The following KLF13 variants were observed in gnomAD, a reference collection of about 807,000 sequenced individuals.
KLF13 encodes KLF transcription factor 13.
KLF13 carries 8 observed loss-of-function variants against 16.7 expected under a neutral mutation model. That is an observed-to-expected ratio of 0.48 (90% CI 0.28 to 0.87). The LOEUF is 0.87. KLF13 is among the 40% of genes least tolerant of loss of function. The pLI is 0.10. For missense variants in KLF13, 447 were observed against 452.2 expected (o/e 0.99, Z 0.10); for synonymous variants, 245 against 208.4 (o/e 1.18, Z -1.51).
intron 1 of KLF13, among the ~76,000 whole-genome samples, chr15:31,345,468 T>C (rs995682011): frequency 6.6e-6 from 1 of 152,148 alleles, no homozygotes; most frequent in Non-Finnish European, 1.5e-5. Context: ...AGCACTGGGG[T>C]GCGGGCAGAT....
At chr15:31,434,691 T>A (rs1460645451) in intron 1 of KLF13, among the ~76,000 whole-genome samples, 1 of 152,198 alleles carries the variant, frequency 6.6e-6, no homozygotes, top group Admixed American at 6.5e-5. Flanking sequence ...TGTGAGTCAG[T>A]AGCTGGGAAA....
rs566870159 is a variant in KLF13, at chr15:31,394,393, G to A, written n.529+702G>A. 2.6e-5 allele frequency among the ~76,000 whole-genome samples: 4 copies of A among 151,862 alleles called. No homozygotes were observed. The South Asian group carries it at 8.3e-4, about 32-fold the overall frequency. On this transcript the variant is annotated intron_variant and non_coding_transcript_variant, in intron 2 of 2. Coordinates refer to the KLF13 transcript ENST00000500533. The stretch of plus-strand genomic sequence containing the variant: ...TCCCAGCTACTCGGGAGGCTGAGGC[G>A]ACAGAATGGCCTGAACCCGGGAGGC...
intron 2 of KLF13, among the ~76,000 whole-genome samples, chr15:31,402,104 A>G (rs1048184624): frequency 2.0e-5 from 3 of 152,230 alleles, no homozygotes; most frequent in Non-Finnish European, 2.9e-5. Context: ...TAGGGGAGAC[A>G]CTGCATGTCC....
chr15:31,328,641 C>T (rs952757107), intron 1 of KLF13, among the ~76,000 whole-genome samples: 1 of 151,970 alleles, frequency 6.6e-6, no homozygotes, highest in African/African-American at 2.4e-5. Flanking sequence ...GGCGCTGAGC[C>T]TCCAGCCTGG....
At position 31,376,558 on chromosome 15, in the gene KLF13, A is replaced by G. The variant is rs2039649865; in HGVS notation, c.*4259A>G. ...TTGAAATCAGGATTACCCCAGGAAG[A>G]ACCAGGTCCTATTACTAATTTTCCT... is the stretch of plus-strand genomic sequence containing the variant. On this transcript the variant is annotated 3_prime_UTR_variant, in exon 2 of 2. Coordinates refer to ENST00000307145, the MANE Select transcript of KLF13 (RefSeq NM_015995.4). 1 of 152,628 alleles carries G rather than the reference A, an allele frequency of 6.6e-6. No homozygotes were observed. The highest frequency in any genetic ancestry group is 6.5e-5 in the Admixed American group (1 of 15,286). The allele number at this position is 152,628 out of a possible 1,614,324, so 9.5% of individuals were successfully genotyped here. A position where few individuals can be genotyped will look rare whatever the true frequency, so the allele number is the denominator to read the frequency against.
intron 1 of KLF13, 57 bp downstream of exon 1, chr15:31,327,846 C>T (rs1379410546): frequency 2.3e-6 from 3 of 1,328,082 alleles, no homozygotes; most frequent in East Asian, 3.3e-5. Context: ...GCGAGCTGCC[C>T]GACCACGCCC....
downstream of KLF13, among the ~76,000 whole-genome samples, chr15:31,378,771 T>C (rs2039689080): frequency 6.6e-6 from 1 of 152,096 alleles, no homozygotes; most frequent in Admixed American, 6.5e-5. Context: ...GAGGCTGGAG[T>C]GCAATGGTGG....
At chr15:31,428,859 A>G (rs2040434325) in intron 1 of KLF13, among the ~76,000 whole-genome samples, 1 of 151,624 alleles carries the variant, frequency 6.6e-6, no homozygotes, top group Admixed American at 6.6e-5. Flanking sequence ...GACCAAATAT[A>G]ACCAGGACAT....
At chr15:31,343,488 A>G (rs2039062669) in intron 1 of KLF13, among the ~76,000 whole-genome samples, 1 of 152,158 alleles carries the variant, frequency 6.6e-6, no homozygotes. Flanking sequence ...ACCTGAAGGG[A>G]GAAGGCAAGG....
chr15:31,391,586 G>T (rs185083065), upstream of KLF13, among the ~76,000 whole-genome samples: 22 of 152,040 alleles, frequency 1.4e-4, no homozygotes, highest in East Asian at 5.9e-4. Flanking sequence ...CCCATTTCTG[G>T]GATTGCCCCC....
chr15:31,416,835 C>G (rs1369241702), intron 1 of KLF13, among the ~76,000 whole-genome samples: 1 of 152,142 alleles, frequency 6.6e-6, no homozygotes, highest in Non-Finnish European at 1.5e-5. Context: ...TGCATGTTTG[C>G]TTTGTCATGA....
intron 1 of KLF13, among the ~76,000 whole-genome samples, chr15:31,416,499 A>G (rs1381188167): frequency 1.3e-5 from 2 of 152,212 alleles, no homozygotes; most frequent in Admixed American, 1.3e-4. Context: ...CATTTTAAAA[A>G]TAATTAATGT....
intron 1 of KLF13, chr15:31,340,048 C>T: frequency 5.7e-6 from 4 of 702,344 alleles, no homozygotes; most frequent in Non-Finnish European, 1.0e-5. Flanking sequence ...CCCAGGTTGC[C>T]CTGGTGGGTG....
chr15:31,327,797 G>A lies in KLF13; in HGVS notation c.577+8G>A. 6.8e-7 allele frequency: 1 copy of A among 1,471,810 alleles called. No individual in the cohort carries two copies. Among genetic ancestry groups the A allele is most frequent in the Non-Finnish European group, 9.1e-7 (1 of 1,100,986 alleles). The allele number at this position is 1,471,810 out of a possible 1,614,324, so 91.2% of individuals were successfully genotyped here. Reference sequence around the variant, plus strand: ...ACCTGAGAACTCACACAGGTCAGTGGGGCGGCGCGGGCGCCCGGATCGCGC... The same window carrying A: ...ACCTGAGAACTCACACAGGTCAGTGAGGCGGCGCGGGCGCCCGGATCGCGC... On this transcript the variant is annotated splice_region_variant and intron_variant, in intron 1 of 1. Coordinates refer to ENST00000307145, the MANE Select transcript of KLF13 (RefSeq NM_015995.4).
intron 1 of KLF13, among the ~76,000 whole-genome samples, chr15:31,332,687 T>G (rs1226559966): frequency 6.6e-6 from 1 of 152,246 alleles, no homozygotes; most frequent in Non-Finnish European, 1.5e-5. Flanking sequence ...TCTGACAGCC[T>G]CCTGCCCTTA....
At chr15:31,390,961 T>A (rs2039856238), upstream of KLF13, among the ~76,000 whole-genome samples, 1 of 151,622 alleles carries the variant, frequency 6.6e-6, no homozygotes, top group Non-Finnish European at 1.5e-5. Context: ...CCAAACAGTG[T>A]TCATGGCACT....
chr15:31,360,776 A>G (rs2039370909), intron 1 of KLF13, among the ~76,000 whole-genome samples: 1 of 152,212 alleles, frequency 6.6e-6, no homozygotes, highest in Non-Finnish European at 1.5e-5. Flanking sequence ...CCAAATTACA[A>G]GCTCATTTTA....
chr15:31,327,170 A>C lies in KLF13; in HGVS notation c.-43A>C. 8.7e-7 allele frequency: 1 copy of C among 1,152,150 alleles called. No individual in the cohort carries two copies. Among genetic ancestry groups the C allele is most frequent in the Non-Finnish European group, 1.1e-6 (1 of 934,884 alleles). 71.4% of individuals were successfully genotyped at this position (1,152,150 alleles called of 1,614,324 possible). ...GGCCGTGGGTGCGGATGCGCGGCTG[A>C]CGACTCGCAGCAAGAGCACCGCCGC... On this transcript the variant is annotated 5_prime_UTR_variant, in exon 1 of 2. An upstream open reading frame in the 5' UTR loses its in-frame stop. Coordinates refer to ENST00000307145, the MANE Select transcript of KLF13 (RefSeq NM_015995.4).
chr15:31,395,035 A>C (rs1319724225), intron 2 of KLF13, among the ~76,000 whole-genome samples: 1 of 152,180 alleles, frequency 6.6e-6, no homozygotes, highest in African/African-American at 2.4e-5. Flanking sequence ...GCTGGAGTGC[A>C]GTGAGGCAAT....
Sources: gnomAD v4.1 joint callset for allele counts (sites outside exome capture counted in the v4.1 genomes callset) on GRCh38, gnomAD v4.1.1 for gene constraint, MANE v1.5 for transcripts, NCBI Gene and HGNC (gene_info 2026-07-23, HGNC 2026-07-21) for gene names.